MAD1L1: variants seen among roughly 807,000 people sequenced by gnomAD.
MAD1L1 encodes mitotic arrest deficient 1 like 1.
In MAD1L1, 95 loss-of-function variants were observed where a neutral mutation model predicts 96.9. The observed-to-expected ratio is 0.98, with a 90% CI of 0.83 to 1.16. The LOEUF (loss-of-function observed/expected upper bound fraction) is 1.16, where lower values mean the gene tolerates loss of function less well. Among genes scored for constraint, MAD1L1 ranks in the 50% most tolerant of loss-of-function variants. The pLI is 0.00. For missense variants in MAD1L1, 1,007 were observed against 954.4 expected, an observed-to-expected ratio of 1.06 and a Z score of -0.73; for synonymous variants, 473 against 396.6, an observed-to-expected ratio of 1.19 and a Z score of -2.29.
chr7:2,101,835 C>T (rs1786794654), intron 11 of MAD1L1, among the ~76,000 whole-genome samples: 1 of 152,200 alleles, frequency 6.6e-6, no homozygotes, highest in African/African-American at 2.4e-5. Flanking sequence ...CTGTCTCAGT[C>T]ACCATCACAG....
intron 11 of MAD1L1, among the ~76,000 whole-genome samples, chr7:2,108,497 A>G (rs1051926742): frequency 2.6e-5 from 4 of 152,218 alleles, no homozygotes; most frequent in Non-Finnish European, 5.9e-5. Flanking sequence ...TACTTGCTAT[A>G]GGGCATTAAC....
At chr7:2,020,008 C>T (rs537497850) in intron 12 of MAD1L1, among the ~76,000 whole-genome samples, 5 of 152,356 alleles carry the variant, frequency 3.3e-5, no homozygotes, top group African/African-American at 4.8e-5. Context: ...CTTAAGCACA[C>T]GTTACCTCAT....
intron 13 of MAD1L1, among the ~76,000 whole-genome samples, chr7:2,010,544 G>T (rs940703700): frequency 6.6e-6 from 1 of 152,186 alleles, no homozygotes; most frequent in African/African-American, 2.4e-5. Flanking sequence ...ACGGGCTCCC[G>T]CAGCCGCTTT....
At chr7:2,159,786 GAAA>G (rs1562740501) in intron 10 of MAD1L1, among the ~76,000 whole-genome samples, 1 of 151,962 alleles carries the variant, frequency 6.6e-6, no homozygotes, top group Non-Finnish European at 1.5e-5. Context: ...TGTGTAAGAG[GAAA>G]AAAACACATC....
intron 12 of MAD1L1, among the ~76,000 whole-genome samples, chr7:2,060,326 G>A (rs1480258062): frequency 2.6e-5 from 4 of 151,258 alleles, no homozygotes; most frequent in Non-Finnish European, 5.9e-5. Flanking sequence ...CCGATGCTGA[G>A]ATACGCCAAT....
intron 14 of MAD1L1, among the ~76,000 whole-genome samples, chr7:1,983,262 T>C (rs1250045346): frequency 6.6e-6 from 1 of 152,158 alleles, no homozygotes; most frequent in Non-Finnish European, 1.5e-5. Flanking sequence ...TTTCCCACAG[T>C]CTGAACTGGT....
chr7:1,907,615 G>T (rs1012373374), intron 17 of MAD1L1, among the ~76,000 whole-genome samples: 1 of 152,246 alleles, frequency 6.6e-6, no homozygotes, highest in African/African-American at 2.4e-5. Flanking sequence ...CTGCCTGTGC[G>T]TTCACGGACA....
intron 11 of MAD1L1, among the ~76,000 whole-genome samples, chr7:2,105,394 G>A (rs1418136130): frequency 7.4e-6 from 1 of 134,992 alleles, no homozygotes; most frequent in Non-Finnish European, 1.5e-5. Flanking sequence ...CTACGGGGCG[G>A]TCTCTGCTGG....
intron 14 of MAD1L1, among the ~76,000 whole-genome samples, chr7:1,988,323 G>A (rs1781254720): frequency 6.6e-6 from 1 of 152,166 alleles, no homozygotes; most frequent in Non-Finnish European, 1.5e-5. Flanking sequence ...CAGCAGCCCG[G>A]CCGTCCCCCG....
At chr7:1,947,811 G>C (rs149660432) in intron 16 of MAD1L1, among the ~76,000 whole-genome samples, 421 of 152,352 alleles carry the variant, frequency 2.8e-3, no homozygotes, top group Admixed American at 4.8e-3. Context: ...ACTTACTCAG[G>C]GCCAGCAGGA....
intron 12 of MAD1L1, among the ~76,000 whole-genome samples, chr7:2,025,848 T>TA (rs1562618098): frequency 6.6e-6 from 1 of 152,156 alleles, no homozygotes; most frequent in East Asian, 1.9e-4. Context: ...ATCACCAACA[T>TA]AGCCACTAAA....
intron 18 of MAD1L1, among the ~76,000 whole-genome samples, chr7:1,894,387 G>A (rs371984722): frequency 1.3e-5 from 2 of 152,346 alleles, no homozygotes; most frequent in South Asian, 4.1e-4. Flanking sequence ...ACACAGGGCC[G>A]GCAGAGCTAG....
rs755685953 is a variant in MAD1L1, at chr7:2,222,686, C to T, written c.360G>A (p.Ala120=). Reference sequence around the variant, plus strand: ...CCAGCTGCTCCTGCATCTTCTCCTCCGCCCCGGCCTCCCGCTCCTGAAGCT... The same window carrying T: ...CCAGCTGCTCCTGCATCTTCTCCTCTGCCCCGGCCTCCCGCTCCTGAAGCT... ...IRQLQEREAG[A]EEKMQEQLER... Residue 120 remains alanine (A), a synonymous_variant, in exon 5 of 19, where the codon GCG becomes GCA. Transcript: ENST00000265854. 10 of 1,612,502 alleles carry T rather than the reference C, an allele frequency of 6.2e-6. No homozygotes were observed. The highest frequency in any genetic ancestry group is 2.2e-5 in the South Asian group (2 of 91,052).
intron 11 of MAD1L1, among the ~76,000 whole-genome samples, chr7:2,144,477 C>G (rs973164534): frequency 1.2e-4 from 19 of 152,216 alleles, no homozygotes; most frequent in African/African-American, 4.6e-4. Flanking sequence ...CCACGCATCC[C>G]TGCCCGAGCT....
chr7:2,000,181 G>A (rs1027653524), intron 14 of MAD1L1, among the ~76,000 whole-genome samples: 6 of 152,040 alleles, frequency 3.9e-5, no homozygotes, highest in African/African-American at 9.7e-5. Context: ...GAGCCCACCC[G>A]GGGCGGAATG....
intron 12 of MAD1L1, among the ~76,000 whole-genome samples, chr7:2,015,780 G>C (rs1782513338): frequency 6.6e-6 from 1 of 152,228 alleles, no homozygotes; most frequent in South Asian, 2.1e-4. Flanking sequence ...AGGTGTGCGG[G>C]AGGGCAGCTT....
chr7:2,226,207 G>A (rs1793886488), intron 3 of MAD1L1, among the ~76,000 whole-genome samples: 1 of 152,188 alleles, frequency 6.6e-6, no homozygotes, highest in South Asian at 2.1e-4. Context: ...CTATCTCAAG[G>A]TCAACAGATC....
intron 14 of MAD1L1, among the ~76,000 whole-genome samples, chr7:1,987,821 A>AATT (rs1285442270): frequency 6.6e-6 from 1 of 152,114 alleles, no homozygotes; most frequent in East Asian, 1.9e-4. Flanking sequence ...TCTCAGAGGT[A>AATT]ACTCACAGGC....
chr7:1,907,965 G>A (rs574251945), intron 17 of MAD1L1, among the ~76,000 whole-genome samples: 13 of 152,232 alleles, frequency 8.5e-5, no homozygotes, highest in Non-Finnish European at 1.6e-4. Context: ...CCCCTCAGGA[G>A]ACAGCGGCCC....
Sources: allele counts gnomAD v4.1 joint callset (sites outside exome capture counted in the v4.1 genomes callset), GRCh38; gene constraint gnomAD v4.1.1; transcripts MANE v1.5; gene names NCBI Gene and HGNC (gene_info 2026-07-23, HGNC 2026-07-21).